MEGF8: variants seen among roughly 807,000 people sequenced by gnomAD.
MEGF8 encodes the protein multiple epidermal growth factor-like domains protein 8.
Under a neutral mutation model 302.9 loss-of-function variants are expected in MEGF8, and 156 were observed. The observed-to-expected ratio is 0.52, with a 90% CI of 0.45 to 0.59. MEGF8 has a LOEUF of 0.59. MEGF8 is among the 20% of genes least tolerant of loss of function. The pLI is 0.00. For missense variants in MEGF8, 3,345 were observed against 3,964.5 expected (o/e 0.84, Z 4.20); for synonymous variants, 1,621 against 1,660.5 (o/e 0.98, Z 0.58).
rs536724995 is a variant in MEGF8, at chr19:42,355,809, A to G, written c.4196A>G (p.Asn1399Ser). The change falls in exon 24 of 42, where the codon AAT becomes AGT. Residue 1399 changes from asparagine to serine, a missense_variant. Physicochemically the swap from Asn to Ser is conservative, Grantham distance 46. Coordinates refer to ENST00000251268, the MANE Select transcript of MEGF8 (RefSeq NM_001271938.2). ...EANGSSSWGF[N>S]ASVGSARCGS... ...AATGGCTCCTCATCCTGGGGCTTCA[A>G]TGCTTCGGTGGGCTCTGCCCGCTGT... 4.8e-5 allele frequency: 76 copies of G among 1,577,888 alleles called. No individual in the cohort carries two copies. Among genetic ancestry groups the G allele is most frequent in the South Asian group, 8.1e-5 (7 of 86,444 alleles).
At chr19:42,334,849 C>A (rs1008427357) in intron 3 of MEGF8, among the ~76,000 whole-genome samples, 186 bp from the exon 4 acceptor site, 1 of 152,014 alleles carries the variant, frequency 6.6e-6, no homozygotes, top group East Asian at 1.9e-4. Context: ...CTCTTCCTGT[C>A]TCTCTCTGTC....
Position 42,353,330 on chromosome 19 carries a change from C to T in MEGF8, c.3551-135C>T. On this transcript the variant is annotated intron_variant, in intron 20 of 41. Coordinates refer to ENST00000251268, the MANE Select transcript of MEGF8 (RefSeq NM_001271938.2). This position sits in a 1 kb window ranked among gnomAD's most constrained non-coding sequence, Gnocchi z 6.1. ...CTTCAGTTCCCCCTCTTGGGACTTG[C>T]TGTTTCCCCTGATCTGGGCCTTGGT... 2 of 1,137,944 alleles carry T rather than the reference C, an allele frequency of 1.8e-6. No homozygotes were observed. Among genetic ancestry groups the T allele is most frequent in the Non-Finnish European group, 2.5e-6 (2 of 809,066 alleles). The allele number at this position is 1,137,944 out of a possible 1,614,324, so 70.5% of individuals were successfully genotyped here. A position where few individuals can be genotyped will look rare whatever the true frequency, so the allele number is the denominator to read the frequency against.
At chr19:42,348,155 C>T in intron 12 of MEGF8, 117 bp from the exon 13 acceptor site, 7 of 951,424 alleles carry the variant, frequency 7.4e-6, no homozygotes, top group Non-Finnish European at 9.1e-6. Context: ...CCCTCTGCCT[C>T]AGTCTCTCAT....
chr19:42,339,341 C>T (rs538158546), intron 8 of MEGF8, among the ~76,000 whole-genome samples: 1 of 152,192 alleles, frequency 6.6e-6, no homozygotes, highest in African/African-American at 2.4e-5. Flanking sequence ...AATGCCTGAA[C>T]TAATTTACAT....
At chr19:42,346,966 CAGAG>C (rs1463063324) in intron 12 of MEGF8, among the ~76,000 whole-genome samples, 6 of 110,982 alleles carry the variant, frequency 5.4e-5, no homozygotes. Flanking sequence ...GCCTGGGTGA[CAGAG>C]AGAGACTCTG....
chr19:42,338,734 C>T (rs2039167628), intron 8 of MEGF8, among the ~76,000 whole-genome samples: 1 of 150,638 alleles, frequency 6.6e-6, no homozygotes, highest in Non-Finnish European at 1.5e-5. Context: ...CATGCTGATG[C>T]AAAGAACATG....
chr19:42,349,370 A>T lies in MEGF8; in HGVS notation c.2299-129A>T, dbSNP rs576791703. 171 of 738,170 alleles carry T rather than the reference A, an allele frequency of 2.3e-4. No homozygotes were observed. The African/African-American group carries it at 2.7e-3, about 12-fold the overall frequency. The allele number at this position is 738,170 out of a possible 1,614,324, so 45.7% of individuals were successfully genotyped here. A position where few individuals can be genotyped will look rare whatever the true frequency, so the allele number is the denominator to read the frequency against. Reference sequence around the variant, plus strand: ...GGGTCTCACCTCTGAGGTTCTCAGGATCTAAGGAGCTCTGAGGCCCTCTTC... The same window carrying T: ...GGGTCTCACCTCTGAGGTTCTCAGGTTCTAAGGAGCTCTGAGGCCCTCTTC... On this transcript the variant is annotated intron_variant, in intron 13 of 41. Transcript: ENST00000251268.
chr19:42,331,601 C>T (rs556452702), intron 1 of MEGF8, among the ~76,000 whole-genome samples: 1 of 151,834 alleles, frequency 6.6e-6, no homozygotes, highest in Non-Finnish European at 1.5e-5. Context: ...CAGAGTTTCA[C>T]TCTTGTCGCC....
At chr19:42,335,513 T>C in intron 5 of MEGF8, 128 bp downstream of exon 5, 1 of 779,536 alleles carries the variant, frequency 1.3e-6, no homozygotes, top group Non-Finnish European at 2.1e-6. Context: ...AACCTACTTC[T>C]CCCTGTTTCT....
At chr19:42,348,601 ATT>A in intron 13 of MEGF8, 129 bp downstream of exon 13, 1 of 918,872 alleles carries the variant, frequency 1.1e-6, no homozygotes, top group Non-Finnish European at 1.6e-6. Flanking sequence ...CAGGAGATGG[ATT>A]TTTTGTGTGT....
At chr19:42,331,503 G>A (rs1184940412) in intron 1 of MEGF8, among the ~76,000 whole-genome samples, 2 of 152,196 alleles carry the variant, frequency 1.3e-5, no homozygotes, top group South Asian at 4.1e-4. Flanking sequence ...GACTGGCAGA[G>A]AATAAGACAG....
chr19:42,362,019 A>G, intron 32 of MEGF8, 71 bp from the exon 33 acceptor site: 3 of 1,580,160 alleles, frequency 1.9e-6, no homozygotes, highest in Admixed American at 3.6e-5. Flanking sequence ...GGGGGCCTGC[A>G]GGACAGTGTC....
chr19:42,351,076 T>C lies in MEGF8; in HGVS notation c.2737-140T>C. 1.3e-6 allele frequency: 1 copy of C among 743,616 alleles called. No homozygotes were observed. Among genetic ancestry groups the C allele is most frequent in the Non-Finnish European group, 2.2e-6 (1 of 455,008 alleles). The allele number at this position is 743,616 out of a possible 1,614,324, so 46.1% of individuals were successfully genotyped here. On this transcript the variant is annotated intron_variant, in intron 15 of 41. Transcript: ENST00000251268. This position sits in a 1 kb window ranked among gnomAD's most constrained non-coding sequence, Gnocchi z 5.6. Reference sequence around the variant, plus strand: ...GGGTGTCTGTGGTCGAAGGGAGGGGTCCAGAGACGCAGGCAGCTGGGGAGG... The same window carrying C: ...GGGTGTCTGTGGTCGAAGGGAGGGGCCCAGAGACGCAGGCAGCTGGGGAGG...
rs2039318714 is a variant in MEGF8 at position 42,348,280 on chromosome 19, T to A, written c.2106T>A (p.Ile702=). Residue 702 remains isoleucine (I), a synonymous_variant, in exon 13 of 42, where the codon ATT becomes ATA. Transcript: ENST00000251268. ...PNTSQPDKVS[I]VRSTTITLTP... is the part of the protein sequence containing the mutation. The stretch of plus-strand genomic sequence containing the variant: ...CATCCCTGGTGGCACAGGTCTCAAT[T>A]GTCCGCAGCACGACCATCACCCTAA... 6.5e-7 allele frequency: 1 copy of A among 1,537,106 alleles called. No individual in the cohort carries two copies. The highest frequency in any genetic ancestry group is 8.7e-7 in the Non-Finnish European group (1 of 1,146,744).
Position 42,353,619 on chromosome 19 carries a change from C to A in MEGF8, c.3705C>A (p.Asp1235Glu). The change falls in exon 21 of 42, where the codon GAC (aspartate) becomes GAA (glutamate). Residue 1235 changes from aspartate (D) to glutamate (E), a missense_variant. Physicochemically the swap from Asp to Glu is conservative, Grantham distance 45. Transcript: ENST00000251268. This position sits in a 1 kb window ranked among gnomAD's most constrained non-coding sequence, Gnocchi z 6.1. ...DNLSGLCFCQ[D>E]HTEGAHCQLC... ...TCAGTGGGCTCTGCTTCTGCCAGGACCACACCGAGGGTGCCCACTGCCAGC... is the reference window on the plus strand; with the variant it reads ...TCAGTGGGCTCTGCTTCTGCCAGGAACACACCGAGGGTGCCCACTGCCAGC... 1 of 1,586,602 alleles carries A rather than the reference C, an allele frequency of 6.3e-7. No individual in the cohort carries two copies. The highest frequency in any genetic ancestry group is 1.8e-5 in the Admixed American group (1 of 56,180).
Position 42,375,394 on chromosome 19 carries a change from C to T in MEGF8, c.7270-113C>T. 8.9e-7 allele frequency: 1 copy of T among 1,123,960 alleles called. No individual in the cohort carries two copies. The highest frequency in any genetic ancestry group is 1.6e-5 in the African/African-American group (1 of 63,638). The allele number at this position is 1,123,960 out of a possible 1,614,324, so 69.6% of individuals were successfully genotyped here. A position where few individuals can be genotyped will look rare whatever the true frequency, so the allele number is the denominator to read the frequency against. On this transcript the variant is annotated intron_variant, in intron 41 of 41. Coordinates refer to ENST00000251268, the MANE Select transcript of MEGF8 (RefSeq NM_001271938.2). The surrounding 1 kb of genome is among the most constrained non-coding windows in gnomAD (Gnocchi z 7.1). ...AGTGACTGGGGCAGTGGGGGTGAGG[C>T]CCAGGGCAATGGCTACTTAGCAGTG...
At position 42,376,799 on chromosome 19, in the gene MEGF8, G is replaced by A. The variant is rs183763590; in HGVS notation, c.*24G>A. On this transcript the variant is annotated 3_prime_UTR_variant, in exon 42 of 42. Coordinates refer to ENST00000251268, the MANE Select transcript of MEGF8 (RefSeq NM_001271938.2). This position sits in a 1 kb window ranked among gnomAD's most constrained non-coding sequence, Gnocchi z 8.2. ...GACATGCCCAGGGTTCTCATCCACAGCAGCTGGGTCACCTGATAGGGCCGC... is the reference window on the plus strand; with the variant it reads ...GACATGCCCAGGGTTCTCATCCACAACAGCTGGGTCACCTGATAGGGCCGC... The A allele has an allele frequency of 6.8e-5, 97 of 1,424,862 alleles. No homozygotes were observed. In the African/African-American group the frequency reaches 1.3e-3, roughly 19 times the overall value. 88.3% of individuals were successfully genotyped at this position (1,424,862 alleles called of 1,614,324 possible).
In MEGF8 at chr19:42,368,181, G is replaced by GT. The variant is rs2039634210; in HGVS notation, c.6274-273dup. ...GATCCTCCCACTGTAGCCTCCCAAA[G>GT]TATTGGGATTACAGGTGTGAGCCAC... On this transcript the variant is annotated intron_variant, in intron 35 of 41. Coordinates refer to ENST00000251268, the MANE Select transcript of MEGF8 (RefSeq NM_001271938.2). The surrounding 1 kb of genome is among the most constrained non-coding windows in gnomAD (Gnocchi z 4.9). Among the ~76,000 whole-genome samples, 1 of 152,180 alleles carries GT rather than the reference G, an allele frequency of 6.6e-6. No homozygotes were observed. The highest frequency in any genetic ancestry group is 2.4e-5 in the African/African-American group (1 of 41,430).
At chr19:42,343,870 G>T (rs1357378828) in intron 9 of MEGF8, 84 bp from the exon 10 acceptor site, 1 of 1,523,728 alleles carries the variant, frequency 6.6e-7, no homozygotes, top group Admixed American at 2.0e-5. Context: ...TAAAGCAAGC[G>T]GGGACTTGGG....
Sources: gnomAD v4.1 joint callset for allele counts (sites outside exome capture counted in the v4.1 genomes callset) on GRCh38, gnomAD v4.1.1 for gene constraint, Gnocchi (gnomAD v3.1) non-coding constraint, MANE v1.5 for transcripts, NCBI Gene and HGNC (gene_info 2026-07-23, HGNC 2026-07-21) for gene names.